HS6ST2: variants seen among roughly 807,000 people sequenced by gnomAD.
HS6ST2 encodes heparan-sulfate 6-O-sulfotransferase 2.
Under a neutral mutation model 33.0 loss-of-function variants are expected in HS6ST2, and 17 were observed. The observed-to-expected ratio is 0.52, with a 90% confidence interval of 0.35 to 0.77. HS6ST2 has a LOEUF of 0.77. HS6ST2 is among the 30% of genes least tolerant of loss of function. The pLI, the probability that HS6ST2 is intolerant of heterozygous loss-of-function variation, is 0.01. For missense variants in HS6ST2, 519 were observed against 551.7 expected (o/e 0.94, Z 0.59); for synonymous variants, 248 against 237.1 (o/e 1.05, Z -0.42).
At chrX:132,739,545 T>A (rs930436278) in intron 2 of HS6ST2, among the ~76,000 whole-genome samples, 5 of 109,820 alleles carry the variant, frequency 4.6e-5, no homozygotes, top group African/African-American at 1.7e-4. Flanking sequence ...TTAAACTCCG[T>A]TTCTACTAAA....
chrX:132,889,496 T>A (rs1365946082), intron 2 of HS6ST2, among the ~76,000 whole-genome samples: 1 of 111,144 alleles, frequency 9.0e-6, no homozygotes, highest in Non-Finnish European at 1.9e-5. Context: ...CAATGAGTCC[T>A]GGGAATACCA....
intron 4 of HS6ST2, among the ~76,000 whole-genome samples, chrX:132,630,777 T>C (rs1186692609): frequency 9.0e-6 from 1 of 110,681 alleles, no homozygotes; most frequent in African/African-American, 3.3e-5. Flanking sequence ...TGAAACCCCA[T>C]CTGTTAAAAA....
At chrX:132,906,618 G>T (rs1211400891) in intron 2 of HS6ST2, among the ~76,000 whole-genome samples, 1 of 111,458 alleles carries the variant, frequency 9.0e-6, no homozygotes, top group Non-Finnish European at 1.9e-5. Context: ...TCGTGAATGG[G>T]CTTGGTGCTA....
At chrX:132,645,221 C>T (rs2063630955) in intron 4 of HS6ST2, among the ~76,000 whole-genome samples, 1 of 112,576 alleles carries the variant, frequency 8.9e-6, no homozygotes. Flanking sequence ...AAAGGGGCAG[C>T]CCCTAAGGGG....
At chrX:132,875,724 C>A (rs749637542) in intron 2 of HS6ST2, among the ~76,000 whole-genome samples, 1 of 112,302 alleles carries the variant, frequency 8.9e-6, no homozygotes, top group Admixed American at 9.4e-5. Flanking sequence ...TGTAACACCT[C>A]TGTGGAAAAA....
chrX:132,642,920 A>C (rs1396636326), intron 4 of HS6ST2, among the ~76,000 whole-genome samples: 1 of 112,511 alleles, frequency 8.9e-6, no homozygotes, highest in Non-Finnish European at 1.9e-5. Flanking sequence ...CCTTTAAGGC[A>C]AAAAGGAGAC....
chrX:132,829,203 T>C (rs1010785919), intron 2 of HS6ST2, among the ~76,000 whole-genome samples: 2 of 98,036 alleles, frequency 2.0e-5, no homozygotes, highest in Admixed American at 1.1e-4. Context: ...TATATATACA[T>C]ACTTATATTT....
At chrX:132,750,076 C>G (rs934670223) in intron 2 of HS6ST2, among the ~76,000 whole-genome samples, 2 of 110,285 alleles carry the variant, frequency 1.8e-5, no homozygotes, top group South Asian at 7.9e-4. Flanking sequence ...ACACACCCCC[C>G]AGCTTCCTTC....
chrX:132,670,601 C>T (rs1432239678), intron 3 of HS6ST2, among the ~76,000 whole-genome samples: 1 of 111,455 alleles, frequency 9.0e-6, no homozygotes, highest in Non-Finnish European at 1.9e-5. Context: ...AGTTCGAGAC[C>T]AGCCTGGCCA....
chrX:132,664,852 G>A (rs898710941), intron 4 of HS6ST2, among the ~76,000 whole-genome samples: 2 of 111,883 alleles, frequency 1.8e-5, no homozygotes, highest in Admixed American at 1.9e-4. Flanking sequence ...TTAAGTGGAT[G>A]CCTCTGAATG....
At chrX:132,670,331 T>C (rs2063857236) in intron 3 of HS6ST2, among the ~76,000 whole-genome samples, 1 of 111,150 alleles carries the variant, frequency 9.0e-6, no homozygotes. Flanking sequence ...GGGCTGGGGG[T>C]CACAAAAGAT....
Position 132,834,401 on chromosome X carries a change from A to C in HS6ST2, c.947+122407T>G, listed in dbSNP as rs768386355. Among the ~76,000 whole-genome samples, 17 of 111,889 alleles carry C rather than the reference A, an allele frequency of 1.5e-4. No homozygotes were observed. The East Asian group carries it at 4.8e-3, about 32-fold the overall frequency. On this transcript the variant is annotated intron_variant, in intron 2 of 4. Transcript: ENST00000370833. ...AGCTGTGATGAAATCTCTGATTCCA[A>C]CTAAAAGAGCTTATTGTTATTCCGC...
chrX:132,950,865 A>T (rs2067007356), intron 2 of HS6ST2, among the ~76,000 whole-genome samples: 1 of 110,967 alleles, frequency 9.0e-6, no homozygotes, highest in Non-Finnish European at 1.9e-5. Context: ...TTTTTCCTTT[A>T]TTCAAACATC....
chrX:132,823,853 A>AAATAAT (rs34008866), intron 2 of HS6ST2, among the ~76,000 whole-genome samples: 4,279 of 92,434 alleles, frequency 0.046, 98 homozygotes, highest in African/African-American at 0.072. Flanking sequence ...ACTTCATAAA[A>AAATAAT]AATAATAATA....
intron 2 of HS6ST2, among the ~76,000 whole-genome samples, chrX:132,753,074 AGCTGCAGGAGAAGCTCTGGCT>A (rs2064722801): frequency 9.0e-6 from 1 of 111,652 alleles, no homozygotes; most frequent in Non-Finnish European, 1.9e-5. Context: ...GGAATAAAGC[AGCTGCAGGAGAAGCTCTGGCT>A]GCTGGGCACA....
intron 2 of HS6ST2, among the ~76,000 whole-genome samples, chrX:132,928,527 C>T (rs907918194): frequency 5.5e-4 from 8 of 14,515 alleles, no homozygotes; most frequent in Admixed American, 4.7e-3. Context: ...TACCTCCCAC[C>T]GGGCCCCACC....
intron 2 of HS6ST2, among the ~76,000 whole-genome samples, chrX:132,857,864 A>G (rs1294647919): frequency 1.8e-5 from 2 of 112,225 alleles, no homozygotes; most frequent in Non-Finnish European, 3.8e-5. Flanking sequence ...GGAAGGATAA[A>G]TTCAATTGAA....
chrX:132,897,888 T>C (rs1270535995), intron 2 of HS6ST2, among the ~76,000 whole-genome samples: 1 of 111,715 alleles, frequency 9.0e-6, no homozygotes, highest in South Asian at 3.8e-4. Flanking sequence ...CATGATGCTG[T>C]TAGCCTGAGT....
intron 2 of HS6ST2, among the ~76,000 whole-genome samples, chrX:132,802,412 G>A (rs138973863): frequency 1.7e-3 from 192 of 111,645 alleles, no homozygotes; most frequent in African/African-American, 5.9e-3. Context: ...TTTTCTGTCC[G>A]CAAGTGTGTG....
Sources: allele counts gnomAD v4.1 joint callset (sites outside exome capture counted in the v4.1 genomes callset), GRCh38; gene constraint gnomAD v4.1.1; transcripts MANE v1.5; gene names NCBI Gene and HGNC (gene_info 2026-07-23, HGNC 2026-07-21).